FGF14: variants seen among roughly 807,000 people sequenced by gnomAD.
FGF14 encodes the protein fibroblast growth factor 14.
A neutral mutation model predicts 25.5 loss-of-function variants in FGF14; 5 were observed. That is an observed-to-expected ratio of 0.20 (90% CI 0.10 to 0.41). The LOEUF (loss-of-function observed/expected upper bound fraction) is 0.41. Among genes scored for constraint, FGF14 ranks in the 10% least tolerant of loss-of-function variants. FGF14 has a pLI of 1.00. For synonymous variants in FGF14, 138 were observed against 118.3 expected (o/e 1.17, Z -1.08); for missense variants, 222 against 320.1 (o/e 0.69, Z 2.34).
At chr13:101,959,672 A>C (rs2036722011) in intron 1 of FGF14, among the ~76,000 whole-genome samples, 2 of 152,074 alleles carry the variant, frequency 1.3e-5, no homozygotes, top group South Asian at 4.1e-4. Context: ...AATTTCTCTG[A>C]TTTCTCTGGT....
intron 1 of FGF14, among the ~76,000 whole-genome samples, chr13:101,941,207 C>T (rs1380474132): frequency 6.6e-6 from 1 of 152,194 alleles, no homozygotes; most frequent in African/African-American, 2.4e-5. Context: ...GGAGTCAACA[C>T]CTTTTCACAA....
chr13:101,919,268 T>G (rs1229594778), upstream of FGF14, among the ~76,000 whole-genome samples: 1 of 152,072 alleles, frequency 6.6e-6, no homozygotes, highest in African/African-American at 2.4e-5. Context: ...AATTTGCAAA[T>G]GACTGTAAGA....
At chr13:102,257,482 GT>G (rs1437650799) in intron 1 of FGF14, among the ~76,000 whole-genome samples, 1 of 149,700 alleles carries the variant, frequency 6.7e-6, no homozygotes, top group African/African-American at 2.5e-5. Context: ...AGCCTGAGTA[GT>G]TGGGACTATA....
At chr13:102,380,728 CCTGA>C (rs1314668915) in intron 1 of FGF14, among the ~76,000 whole-genome samples, 1 of 152,088 alleles carries the variant, frequency 6.6e-6, no homozygotes, top group Non-Finnish European at 1.5e-5. Flanking sequence ...CACAGTGAAT[CCTGA>C]CTTTCATTAC....
At chr13:102,210,701 T>C (rs2050120324) in intron 1 of FGF14, among the ~76,000 whole-genome samples, 1 of 152,098 alleles carries the variant, frequency 6.6e-6, no homozygotes. Flanking sequence ...AGAAACATGT[T>C]TAATTAAATG....
chr13:102,317,697 ACCCGC>A (rs1388286279), intron 1 of FGF14, among the ~76,000 whole-genome samples: 1 of 151,584 alleles, frequency 6.6e-6, no homozygotes. Flanking sequence ...CCTGGACAGG[ACCCGC>A]CCCTCCCTTC....
intron 1 of FGF14, among the ~76,000 whole-genome samples, chr13:101,923,915 A>T (rs1312888525): frequency 6.6e-6 from 1 of 152,060 alleles, no homozygotes; most frequent in Non-Finnish European, 1.5e-5. Context: ...AAATTTAGTG[A>T]TTTTCTTTTA....
At position 101,979,448 on chromosome 13, in the gene FGF14, A is replaced by C. The variant is rs187036865; in HGVS notation, c.209-104152T>G. On this transcript the variant is annotated intron_variant, in intron 1 of 4. Coordinates refer to the FGF14 transcript ENST00000376131. ...AATTTCCCTTAACAAACTTCAAAAT[A>C]GGCCTTGTTATTAGCCCTATTTTAC... 2.3e-3 allele frequency among the ~76,000 whole-genome samples: 343 copies of C among 152,312 alleles called. 1 individual carries two copies. Among genetic ancestry groups the C allele is most frequent in the African/African-American group, 7.6e-3 (314 of 41,582 alleles).
At chr13:102,259,919 CAT>C (rs1343318148) in intron 1 of FGF14, among the ~76,000 whole-genome samples, 4 of 152,204 alleles carry the variant, frequency 2.6e-5, no homozygotes, top group Non-Finnish European at 5.9e-5. Flanking sequence ...CTTTTAAAAA[CAT>C]AAGTATAAAT....
chr13:101,843,512 G>A (rs1387102140), intron 3 of FGF14, among the ~76,000 whole-genome samples: 1 of 151,946 alleles, frequency 6.6e-6, no homozygotes, highest in Non-Finnish European at 1.5e-5. Context: ...CATATGTATG[G>A]TTGACTTTGA....
intron 1 of FGF14, among the ~76,000 whole-genome samples, chr13:102,349,936 A>G (rs546235228): frequency 6.6e-6 from 1 of 152,316 alleles, no homozygotes; most frequent in East Asian, 1.9e-4. Flanking sequence ...CTAAGGGGGG[A>G]AAATTATAAT....
intron 3 of FGF14, among the ~76,000 whole-genome samples, chr13:101,756,589 C>A (rs1787473765): frequency 6.6e-6 from 1 of 152,042 alleles, no homozygotes; most frequent in South Asian, 2.1e-4. Context: ...AAAAATTAGC[C>A]GGGTGCGGTG....
At chr13:101,845,876 G>A (rs1052941120) in intron 3 of FGF14, among the ~76,000 whole-genome samples, 4 of 152,032 alleles carry the variant, frequency 2.6e-5, no homozygotes, top group African/African-American at 9.6e-5. Context: ...CCTTTGCAGG[G>A]GGTAGGTGGT....
chr13:102,223,343 T>C (rs1039715810), intron 1 of FGF14, among the ~76,000 whole-genome samples: 13 of 152,178 alleles, frequency 8.5e-5, no homozygotes, highest in African/African-American at 2.2e-4. Flanking sequence ...AAAACTGTCC[T>C]GGCTACTGGA....
At chr13:101,839,698 C>CT (rs1399290469) in intron 3 of FGF14, among the ~76,000 whole-genome samples, 3 of 151,888 alleles carry the variant, frequency 2.0e-5, no homozygotes. Flanking sequence ...CCCAACTGCT[C>CT]TTTTTGTTGC....
intron 1 of FGF14, among the ~76,000 whole-genome samples, chr13:102,289,814 A>G (rs1421209820): frequency 6.6e-6 from 1 of 152,116 alleles, no homozygotes; most frequent in Non-Finnish European, 1.5e-5. Flanking sequence ...TCACTGCTAA[A>G]TAATTTATGG....
At chr13:102,206,097 C>A (rs190687257) in intron 1 of FGF14, among the ~76,000 whole-genome samples, 1 of 136,498 alleles carries the variant, frequency 7.3e-6, no homozygotes, top group Non-Finnish European at 1.5e-5. Flanking sequence ...GGAAACAAAG[C>A]ATTTAACTAA....
Position 102,177,979 on chromosome 13 carries a change from C to G in FGF14, c.208+223492G>C, listed in dbSNP as rs1239670542. 2.0e-5 allele frequency among the ~76,000 whole-genome samples: 3 copies of G among 151,976 alleles called. No individual in the cohort carries two copies. In the East Asian group the frequency reaches 5.8e-4, roughly 29 times the overall value. Reference sequence around the variant, plus strand: ...CACATAGCACATGTCTCTCTCAGTTCATGCCCCAAACCTCCCCTGACCACA... The same window carrying G: ...CACATAGCACATGTCTCTCTCAGTTGATGCCCCAAACCTCCCCTGACCACA... On this transcript the variant is annotated intron_variant, in intron 1 of 4. Coordinates refer to the FGF14 transcript ENST00000376131.
chr13:101,978,036 G>A (rs1012127950), intron 1 of FGF14, among the ~76,000 whole-genome samples: 4 of 152,004 alleles, frequency 2.6e-5, no homozygotes, highest in Admixed American at 6.5e-5. Context: ...AGCCAAGCCA[G>A]CTTCTGCAAT....
Sources: gnomAD v4.1 joint callset for allele counts (sites outside exome capture counted in the v4.1 genomes callset) on GRCh38, gnomAD v4.1.1 for gene constraint, MANE v1.5 for transcripts, NCBI Gene and HGNC (gene_info 2026-07-23, HGNC 2026-07-21) for gene names.